UGT2A1: variants seen among roughly 807,000 people sequenced by gnomAD.
UGT2A1 encodes UDP-glucuronosyltransferase 2A1.
In UGT2A1, 61 loss-of-function variants were observed where a neutral mutation model predicts 45.4. That is an observed-to-expected ratio of 1.34 (90% CI 1.09 to 1.66). The LOEUF (loss-of-function observed/expected upper bound fraction) is 1.66. Among genes scored for constraint, UGT2A1 ranks in the 40% most tolerant of loss-of-function variants. UGT2A1 has a pLI of 0.00. For synonymous variants in UGT2A1, 229 were observed against 196.2 expected, an observed-to-expected ratio of 1.17 and a Z score of -1.40; for missense variants, 649 against 574.3, an observed-to-expected ratio of 1.13 and a Z score of -1.33.
chr4:69,596,484 A>T, intron 4 of UGT2A1: 1 of 1,326,300 alleles, frequency 7.5e-7, no homozygotes, highest in Non-Finnish European at 9.8e-7. Flanking sequence ...ATGTCAGAGA[A>T]ACTGTTGAAC....
Position 69,647,677 on chromosome 4 carries a change from G to A in UGT2A1, c.-33C>T, listed in dbSNP as rs370136204. Reference sequence around the variant, plus strand: ...CTTGATGCAGAAGATTTGATGAGATGTGAAGCAAATGTTTTTCTCTGCTTT... The same window carrying A: ...CTTGATGCAGAAGATTTGATGAGATATGAAGCAAATGTTTTTCTCTGCTTT... On this transcript the variant is annotated 5_prime_UTR_variant, in exon 2 of 7. Transcript: ENST00000286604. The A allele has an allele frequency of 1.4e-6, 2 of 1,385,654 alleles. No homozygotes were observed. Among genetic ancestry groups the A allele is most frequent in the Non-Finnish European group, 1.9e-6 (2 of 1,030,404 alleles). 85.8% of individuals were successfully genotyped at this position (1,385,654 alleles called of 1,614,324 possible).
intron 3 of UGT2A1, among the ~76,000 whole-genome samples, chr4:69,612,945 C>A (rs1720156176): frequency 1.3e-5 from 2 of 148,268 alleles, no homozygotes; most frequent in Admixed American, 6.7e-5. Context: ...CAAAGACAAC[C>A]TACATAATGG....
rs1297722111 is a variant in UGT2A1, at chr4:69,606,897, C to G, written c.848-7503G>C. On this transcript the variant is annotated intron_variant, in intron 3 of 6. Transcript: ENST00000286604. The stretch of plus-strand genomic sequence containing the variant: ...AAGGACCTCTTCAAGAACTACAAAC[C>G]ACTGCTCAATGAAATAAAAGAGGAT... Among the ~76,000 whole-genome samples, 4 of 135,784 alleles carry G rather than the reference C, an allele frequency of 2.9e-5. 2 individuals carry two copies. Among genetic ancestry groups the G allele is most frequent in the African/African-American group, 1.2e-4 (4 of 33,378 alleles). 89.1% of individuals were successfully genotyped at this position (135,784 alleles called of 152,430 possible).
intron 6 of UGT2A1, among the ~76,000 whole-genome samples, chr4:69,590,778 A>G (rs181302733): frequency 4.6e-4 from 70 of 152,284 alleles, no homozygotes; most frequent in African/African-American, 1.6e-3. Flanking sequence ...TAAGAAGAAG[A>G]AAGCATGTTT....
intron 3 of UGT2A1, among the ~76,000 whole-genome samples, chr4:69,622,963 G>A (rs1487008891): frequency 6.6e-6 from 1 of 151,698 alleles, no homozygotes. Context: ...CACTTGCTAT[G>A]GGTCATAAAG....
chr4:69,597,801 T>C (rs1212915140), intron 4 of UGT2A1, among the ~76,000 whole-genome samples: 1 of 152,086 alleles, frequency 6.6e-6, no homozygotes, highest in East Asian at 1.9e-4. Context: ...TTTGACAGTC[T>C]CTTGTTGTTT....
intron 2 of UGT2A1, among the ~76,000 whole-genome samples, chr4:69,636,649 TA>T: frequency 6.6e-6 from 1 of 152,156 alleles, no homozygotes. Context: ...AGAAACCATT[TA>T]TTTTTTGTAG....
At chr4:69,629,546 G>A (rs1266256536) in intron 3 of UGT2A1, among the ~76,000 whole-genome samples, 1 of 152,022 alleles carries the variant, frequency 6.6e-6, no homozygotes, top group Non-Finnish European at 1.5e-5. Flanking sequence ...GGGTAGCTGA[G>A]GTTAGTCAAA....
chr4:69,610,519 A>T (rs62306515), intron 3 of UGT2A1, among the ~76,000 whole-genome samples: 2,048 of 152,250 alleles, frequency 0.013, 22 homozygotes, highest in Non-Finnish European at 0.02. Context: ...TTAAACACAA[A>T]CTTTAAATAA....
intron 1 of UGT2A1, among the ~76,000 whole-genome samples, chr4:69,648,191 ATATT>A (rs1379318221): frequency 1.3e-5 from 2 of 149,588 alleles, no homozygotes; most frequent in Non-Finnish European, 1.5e-5. Flanking sequence ...ATTACTATAA[ATATT>A]TATAAATTCA....
intron 3 of UGT2A1, among the ~76,000 whole-genome samples, chr4:69,611,939 C>T (rs572935718): frequency 4.7e-4 from 72 of 152,196 alleles, no homozygotes; most frequent in African/African-American, 1.6e-3. Flanking sequence ...AATTCCATTA[C>T]ATGGAAATGT....
chr4:69,596,575 C>A (rs983557417), intron 4 of UGT2A1, among the ~76,000 whole-genome samples: 1 of 152,024 alleles, frequency 6.6e-6, no homozygotes, highest in Non-Finnish European at 1.5e-5. Context: ...CAGGCTGGAG[C>A]GCAGTGGCAT....
chr4:69,589,377 C>T lies in UGT2A1; in HGVS notation c.1579G>A (p.Glu527Lys). The T allele has an allele frequency of 1.9e-6, 3 of 1,610,188 alleles. No individual in the cohort carries two copies. Among genetic ancestry groups the T allele is most frequent in the South Asian group, 2.2e-5 (2 of 90,668 alleles). ...TATTTCCTCTTTTTCTTGACCTATT[C>T]TCTTTTTTTCTTCTTTCCTATCTTA... ...FGKIGKKKKR[E>K] Residue 527 changes from glutamate to lysine, a missense_variant, in exon 7 of 7, where the codon GAA becomes AAA. Coordinates refer to ENST00000286604, the MANE Select transcript of UGT2A1 (RefSeq NM_001252275.3).
intron 3 of UGT2A1, among the ~76,000 whole-genome samples, chr4:69,630,224 T>C (rs975437457): frequency 5.9e-5 from 9 of 152,260 alleles, no homozygotes; most frequent in African/African-American, 1.9e-4. Flanking sequence ...AATAGCTCCA[T>C]CTGCAGTTGG....
intron 3 of UGT2A1, among the ~76,000 whole-genome samples, chr4:69,630,677 A>G (rs1721332062): frequency 1.3e-5 from 2 of 152,180 alleles, no homozygotes; most frequent in African/African-American, 4.8e-5. Context: ...GTCACAAAAT[A>G]AAAACCATTT....
At chr4:69,624,992 T>G (rs1720960812) in intron 3 of UGT2A1, among the ~76,000 whole-genome samples, 1 of 141,940 alleles carries the variant, frequency 7.0e-6, no homozygotes, top group East Asian at 2.0e-4. Flanking sequence ...TTTTCTTGGT[T>G]CTTGTAGCAA....
rs939855817 is a variant in UGT2A1 at position 69,630,257 on chromosome 4, G to A, written c.847+5434C>T. Among the ~76,000 whole-genome samples the A allele has an allele frequency of 5.9e-5, 9 of 151,840 alleles. No individual in the cohort carries two copies. The East Asian group carries it at 1.2e-3, about 20-fold the overall frequency. Reference sequence around the variant, plus strand: ...TGGCTACGATTCATTTTTTTCTCCTGCAATTTTTGACGTAGTTGGAGTGAG... The same window carrying A: ...TGGCTACGATTCATTTTTTTCTCCTACAATTTTTGACGTAGTTGGAGTGAG... On this transcript the variant is annotated intron_variant, in intron 3 of 6. Transcript: ENST00000286604.
In UGT2A1 at chr4:69,647,394, T is replaced by C. The variant is rs1277197566; in HGVS notation, c.251A>G (p.Glu84Gly). 2 of 1,613,128 alleles carry C rather than the reference T, an allele frequency of 1.2e-6. No individual in the cohort carries two copies. The highest frequency in any genetic ancestry group is 2.2e-5 in the East Asian group (1 of 44,862). The change falls in exon 2 of 7, where the codon GAA becomes GGA. Residue 84 changes from glutamate to glycine, a missense_variant. Glu to Gly is a moderately conservative substitution (Grantham distance 98, BLOSUM62 -2). Transcript: ENST00000286604. ...YKVPFGKERI[E>G]GVIKDFVLTW... ...CAAAACGAAGTCCTTAATTACTCCTTCTATTCTTTCTTTGCCAAAGGGCAC... is the reference window on the plus strand; with the variant it reads ...CAAAACGAAGTCCTTAATTACTCCTCCTATTCTTTCTTTGCCAAAGGGCAC...
chr4:69,620,932 C>G (rs28798793), intron 3 of UGT2A1, among the ~76,000 whole-genome samples: 53,493 of 151,778 alleles, frequency 0.35, 9,768 homozygotes, highest in African/African-American at 0.43. Flanking sequence ...ATGGTGCTGG[C>G]ATAAATGGCT....
Sources: allele counts gnomAD v4.1 joint callset (sites outside exome capture counted in the v4.1 genomes callset), GRCh38; gene constraint gnomAD v4.1.1; transcripts MANE v1.5; gene names NCBI Gene and HGNC (gene_info 2026-07-23, HGNC 2026-07-21).